The following STK33 variants were observed in gnomAD, a reference collection of about 807,000 sequenced individuals.
STK33 encodes the protein serine/threonine kinase 33, also known as serine/threonine-protein kinase 33.
STK33 carries 52 observed loss-of-function variants against 58.0 expected under a neutral mutation model. That is an observed-to-expected ratio of 0.90 (90% CI 0.72 to 1.13). STK33 has a LOEUF of 1.13. Ranked by LOEUF, STK33 falls within the 50% of genes most tolerant of loss-of-function variation. The pLI, the probability that STK33 is intolerant of heterozygous loss-of-function variation, is 0.00. For synonymous variants in STK33, 215 were observed against 200.1 expected, an observed-to-expected ratio of 1.07 and a Z score of -0.63; for missense variants, 630 against 604.2, an observed-to-expected ratio of 1.04 and a Z score of -0.45.
At chr11:8,530,418 T>C (rs1446433957) in intron 1 of STK33, among the ~76,000 whole-genome samples, 1 of 151,684 alleles carries the variant, frequency 6.6e-6, no homozygotes, top group African/African-American at 2.4e-5. Flanking sequence ...TTTTATTTTC[T>C]TGTACCAGTG....
chr11:8,458,988 C>T (rs1210340365), intron 8 of STK33, among the ~76,000 whole-genome samples: 1 of 152,148 alleles, frequency 6.6e-6, no homozygotes, highest in Non-Finnish European at 1.5e-5. Context: ...ACTGCAAAAT[C>T]TAACACATAA....
intron 15 of STK33, among the ~76,000 whole-genome samples, chr11:8,394,836 TAAGAA>T (rs1849065183): frequency 6.6e-6 from 1 of 152,190 alleles, no homozygotes; most frequent in East Asian, 1.9e-4. Flanking sequence ...TGTAGTAAGA[TAAGAA>T]AATGATTTTC....
At chr11:8,471,642 A>C (rs1234598442) in intron 6 of STK33, among the ~76,000 whole-genome samples, 1 of 152,134 alleles carries the variant, frequency 6.6e-6, no homozygotes, top group Non-Finnish European at 1.5e-5. Context: ...AAATGAGTAT[A>C]TTTTATGGGG....
chr11:8,570,513 T>C (rs1054374325), intron 1 of STK33, among the ~76,000 whole-genome samples: 1 of 152,174 alleles, frequency 6.6e-6, no homozygotes, highest in Non-Finnish European at 1.5e-5. Flanking sequence ...ACAACCCAAA[T>C]GAATGTCCAA....
chr11:8,465,069 G>A, intron 6 of STK33: 5 of 276,606 alleles, frequency 1.8e-5, no homozygotes, highest in East Asian at 7.4e-5. Flanking sequence ...GTGAAATGTG[G>A]AAAAACTCAA....
intron 15 of STK33, among the ~76,000 whole-genome samples, chr11:8,407,955 C>G (rs527589542): frequency 6.6e-6 from 1 of 151,814 alleles, no homozygotes; most frequent in African/African-American, 2.4e-5. Flanking sequence ...AAAAGTGACA[C>G]AATACATATA....
intron 1 of STK33, among the ~76,000 whole-genome samples, chr11:8,505,355 C>T (rs543582470): frequency 6.6e-6 from 1 of 152,134 alleles, no homozygotes; most frequent in Non-Finnish European, 1.5e-5. Context: ...AGGCATGTAT[C>T]GAAACTGTTC....
At chr11:8,515,683 G>A (rs1200382129) in intron 1 of STK33, among the ~76,000 whole-genome samples, 1 of 152,080 alleles carries the variant, frequency 6.6e-6, no homozygotes, top group Non-Finnish European at 1.5e-5. Flanking sequence ...TTCAACACAT[G>A]AAAACCAATC....
intron 1 of STK33, among the ~76,000 whole-genome samples, chr11:8,530,643 A>G (rs67191473): frequency 0.17 from 26,214 of 152,106 alleles, 2,690 homozygotes; most frequent in South Asian, 0.31. Context: ...TGAAAGCCAA[A>G]CTTAAAGGAA....
At chr11:8,523,524 G>T (rs1014379809) in intron 1 of STK33, among the ~76,000 whole-genome samples, 1 of 150,676 alleles carries the variant, frequency 6.6e-6, no homozygotes, top group African/African-American at 2.4e-5. Context: ...CTGGGCAGCC[G>T]CCCCGTCTGG....
intron 1 of STK33, among the ~76,000 whole-genome samples, chr11:8,536,034 T>C (rs1380415276): frequency 1.3e-5 from 2 of 152,042 alleles, no homozygotes; most frequent in South Asian, 4.1e-4. Flanking sequence ...CACTTACATG[T>C]GGGGGCTAAA....
chr11:8,535,709 C>T (rs1194774762), intron 1 of STK33, among the ~76,000 whole-genome samples: 1 of 152,120 alleles, frequency 6.6e-6, no homozygotes, highest in East Asian at 1.9e-4. Context: ...AAAAGAATTA[C>T]TATCAATGCA....
At chr11:8,513,345 C>T (rs1317491875) in intron 1 of STK33, among the ~76,000 whole-genome samples, 7 of 152,130 alleles carry the variant, frequency 4.6e-5, no homozygotes, top group African/African-American at 1.7e-4. Context: ...CCCGTTCCTA[C>T]CACCTTGCTT....
chr11:8,334,963 G>A, the STK33 span, among the ~76,000 whole-genome samples: 54 of 152,340 alleles, frequency 3.5e-4, no homozygotes, highest in South Asian at 8.3e-4. Context: ...GGAGACACAA[G>A]CAGGAGTGCT....
rs1939191938 is a variant in STK33, at chr11:8,406,256, A to G, written c.1344+7239T>C. Reference sequence around the variant, plus strand: ...TTGTTTATCCTTACATCAATACCACATTGTATTAATTACTGTATCTATGTA... The same window carrying G: ...TTGTTTATCCTTACATCAATACCACGTTGTATTAATTACTGTATCTATGTA... On this transcript the variant is annotated intron_variant, in intron 15 of 15. Coordinates refer to ENST00000687296, the MANE Select transcript of STK33 (RefSeq NM_001352389.2). Among the ~76,000 whole-genome samples, 4 of 151,880 alleles carry G rather than the reference A, an allele frequency of 2.6e-5. No homozygotes were observed. The South Asian group carries it at 8.3e-4, about 32-fold the overall frequency.
chr11:8,434,985 G>A lies in STK33; in HGVS notation c.1146+509C>T, dbSNP rs112287605. ...AGGTAATGTTCGGGTGCAGGGATAC[G>A]AAGATCAGTAAGACACAAGGTCTGT... On this transcript the variant is annotated intron_variant, in intron 14 of 15. Transcript: ENST00000687296. Among the ~76,000 whole-genome samples the A allele has an allele frequency of 4.4e-3, 670 of 152,276 alleles. 10 individuals are homozygous for A. Among genetic ancestry groups the A allele is most frequent in the African/African-American group, 0.015 (639 of 41,558 alleles).
the STK33 span, among the ~76,000 whole-genome samples, chr11:8,361,205 C>A: frequency 6.6e-6 from 1 of 152,144 alleles, no homozygotes; most frequent in Non-Finnish European, 1.5e-5. The surrounding 1 kb of genome is among the most constrained non-coding windows in gnomAD (Gnocchi z 4.8). Flanking sequence ...TGGGCAGGGC[C>A]AGAGGGAAGG....
At chr11:8,374,197 C>T in the STK33 span, among the ~76,000 whole-genome samples, 1 of 152,210 alleles carries the variant, frequency 6.6e-6, no homozygotes, top group Non-Finnish European at 1.5e-5. Flanking sequence ...CTCCCACTAC[C>T]TCTCACCTGC....
intron 11 of STK33, among the ~76,000 whole-genome samples, chr11:8,450,590 T>C (rs1407467021): frequency 6.6e-6 from 1 of 150,578 alleles, no homozygotes; most frequent in African/African-American, 2.4e-5. Flanking sequence ...ATAAAAAAAG[T>C]TCATGATTTT....
Sources: gnomAD v4.1 joint callset for allele counts (sites outside exome capture counted in the v4.1 genomes callset) on GRCh38, gnomAD v4.1.1 for gene constraint, Gnocchi (gnomAD v3.1) non-coding constraint, MANE v1.5 for transcripts, NCBI Gene and HGNC (gene_info 2026-07-23, HGNC 2026-07-21) for gene names.